The following ACAP2 variants were observed in gnomAD, a reference collection of about 807,000 sequenced individuals.
ACAP2 encodes arf-GAP with coiled-coil, ANK repeat and PH domain-containing protein 2.
ACAP2 carries 39 observed loss-of-function variants against 115.8 expected under a neutral mutation model. That is an observed-to-expected ratio of 0.34 (90% CI 0.26 to 0.44). The LOEUF is 0.44. ACAP2 is among the 20% of genes least tolerant of loss of function. ACAP2 has a pLI of 1.00. For synonymous variants in ACAP2, 289 were observed against 315.8 expected (o/e 0.92, Z 0.90); for missense variants, 662 against 927.6 (o/e 0.71, Z 3.72).
chr3:195,376,756 T>C (rs1020278604), intron 4 of ACAP2, among the ~76,000 whole-genome samples: 2 of 152,242 alleles, frequency 1.3e-5, no homozygotes, highest in African/African-American at 4.8e-5. Context: ...GGTTTTATTA[T>C]TTTCAAACAT....
chr3:195,345,465 TA>T, intron 4 of ACAP2, 148 bp from the exon 5 acceptor site: 1 of 564,238 alleles, frequency 1.8e-6, no homozygotes, highest in Non-Finnish European at 3.1e-6. Context: ...AATAACCATT[TA>T]AAAATAGAAC....
At chr3:195,327,000 G>T (rs751808475) in intron 8 of ACAP2, 41 bp from the exon 9 acceptor site, 1 of 1,528,276 alleles carries the variant, frequency 6.5e-7, no homozygotes, top group South Asian at 1.2e-5. Flanking sequence ...CTTAAAAAAA[G>T]TATGGATTAG....
rs1726183613 is a variant in ACAP2, at chr3:195,276,246, G to GT, written c.*3081dup. 1 of 152,144 alleles carries GT rather than the reference G, an allele frequency of 6.6e-6. No individual in the cohort carries two copies. The highest frequency in any genetic ancestry group is 2.1e-4 in the South Asian group (1 of 4,824). 9.4% of individuals were successfully genotyped at this position (152,144 alleles called of 1,614,324 possible). On this transcript the variant is annotated 3_prime_UTR_variant, in exon 23 of 23. Coordinates refer to ENST00000326793, the MANE Select transcript of ACAP2 (RefSeq NM_012287.6). ...AAAGTTCATATTCCAAATTAAATCT[G>GT]TATGTCTGGAAAAGTAACCAATCAA...
Position 195,295,802 on chromosome 3 carries a change from T to C in ACAP2, c.1578A>G (p.Gln526=), listed in dbSNP as rs151313709. 4.3e-6 allele frequency: 7 copies of C among 1,614,004 alleles called. No individual in the cohort carries two copies. The African/African-American group carries it at 8.0e-5, about 18-fold the overall frequency. The change falls in exon 17 of 23, where the codon CAA becomes CAG. Residue 526 remains glutamine (Q), a synonymous_variant. Transcript: ENST00000326793. ...YSISLSPPEQ[Q]KKFVSKSSEE... ...CAGAACTTTTAGAGACAAACTTTTT[T>C]TGCTGCTCAGGAGGTGATAATGATA...
intron 8 of ACAP2, among the ~76,000 whole-genome samples, chr3:195,331,469 C>A (rs1451530692): frequency 6.6e-6 from 1 of 151,792 alleles, no homozygotes; most frequent in Admixed American, 6.6e-5. Flanking sequence ...TATGCCACCA[C>A]GCCTGGATAA....
chr3:195,333,090 A>G lies in ACAP2; in HGVS notation c.607T>C (p.Phe203Leu), dbSNP rs1293604831. 1 of 1,609,932 alleles carries G rather than the reference A, an allele frequency of 6.2e-7. No individual in the cohort carries two copies. Among genetic ancestry groups the G allele is most frequent in the Non-Finnish European group, 8.5e-7 (1 of 1,178,280 alleles). The stretch of plus-strand genomic sequence containing the variant: ...CTAAACAGATCATATCCTTGATGAA[A>G]GAAGGCCAAATGGGCATACATAAAT... ...LSFMYAHLAF[F>L]HQGYDLFSEL... Residue 203 changes from phenylalanine (F) to leucine (L), a missense_variant, in exon 8 of 23, where the codon TTT (phenylalanine) becomes CTT (leucine). By Grantham distance (22) the Phe-to-Leu change is conservative (BLOSUM62 0). Transcript: ENST00000326793.
At chr3:195,344,589 C>T (rs974247695) in intron 5 of ACAP2, among the ~76,000 whole-genome samples, 9 of 151,838 alleles carry the variant, frequency 5.9e-5, no homozygotes, top group Non-Finnish European at 1.2e-4. Context: ...GGCGCGATCT[C>T]AGCTCACTGC....
At chr3:195,320,887 A>G in intron 9 of ACAP2, 74 bp from the exon 10 acceptor site, 2 of 921,278 alleles carry the variant, frequency 2.2e-6, no homozygotes, top group South Asian at 1.5e-5. Context: ...ATCCTAAGAA[A>G]AGAGTTCAAA....
intron 1 of ACAP2, among the ~76,000 whole-genome samples, chr3:195,427,531 T>C (rs1401930335): frequency 6.6e-6 from 1 of 152,218 alleles, no homozygotes; most frequent in African/African-American, 2.4e-5. Context: ...GTATAGCCTA[T>C]ATGGTTCCTA....
In ACAP2 at chr3:195,311,102, T is replaced by G. The variant is rs1297242409; in HGVS notation, c.858-2265A>C. 2.6e-3 allele frequency among the ~76,000 whole-genome samples: 122 copies of G among 47,000 alleles called. No individual in the cohort carries two copies. In the Middle Eastern group the frequency reaches 0.086, roughly 33 times the overall value. 30.8% of individuals were successfully genotyped at this position (47,000 alleles called of 152,430 possible). A position where few individuals can be genotyped will look rare whatever the true frequency, so the allele number is the denominator to read the frequency against. ...CATTGTGGTTTTTTTGTTTTTTTTTTGTTTTTTTTTTTGAAGCAGAGTCTC... is the reference window on the plus strand; with the variant it reads ...CATTGTGGTTTTTTTGTTTTTTTTTGGTTTTTTTTTTTGAAGCAGAGTCTC... On this transcript the variant is annotated intron_variant, in intron 10 of 22. Coordinates refer to ENST00000326793, the MANE Select transcript of ACAP2 (RefSeq NM_012287.6).
At chr3:195,326,742 C>T (rs1729822151) in intron 9 of ACAP2, 143 bp downstream of exon 9, 1 of 650,750 alleles carries the variant, frequency 1.5e-6, no homozygotes, top group Non-Finnish European at 2.5e-6. Flanking sequence ...ACATTTTGCT[C>T]TTCAAAAACA....
At chr3:195,291,145 A>G (rs1224822329) in intron 20 of ACAP2, among the ~76,000 whole-genome samples, 2 of 152,234 alleles carry the variant, frequency 1.3e-5, no homozygotes, top group African/African-American at 4.8e-5. Context: ...TTTCACATAA[A>G]GCCAGCATTT....
intron 22 of ACAP2, among the ~76,000 whole-genome samples, chr3:195,283,856 G>A (rs928289453): frequency 6.6e-6 from 1 of 152,064 alleles, no homozygotes; most frequent in Admixed American, 6.5e-5. Context: ...TAAAATGTGA[G>A]AATGGTAAGA....
chr3:195,423,089 A>G (rs763146220), intron 1 of ACAP2, among the ~76,000 whole-genome samples: 5 of 152,244 alleles, frequency 3.3e-5, no homozygotes, highest in Non-Finnish European at 7.3e-5. Flanking sequence ...TTTTAGTGTT[A>G]TAAATGTGGT....
chr3:195,417,587 C>G (rs765172274), intron 1 of ACAP2, among the ~76,000 whole-genome samples: 3 of 152,050 alleles, frequency 2.0e-5, no homozygotes, highest in African/African-American at 7.3e-5. Flanking sequence ...CTCTCTTGCC[C>G]CAATGAAGTT....
At chr3:195,421,400 A>C (rs1316101317) in intron 1 of ACAP2, among the ~76,000 whole-genome samples, 3 of 150,196 alleles carry the variant, frequency 2.0e-5, no homozygotes, top group Admixed American at 6.6e-5. Flanking sequence ...TCTTGACACA[A>C]AGTCATCCGT....
At chr3:195,295,681 T>A (rs556100795) in intron 17 of ACAP2, 27 bp downstream of exon 17, 2 of 1,613,184 alleles carry the variant, frequency 1.2e-6, no homozygotes, top group East Asian at 4.5e-5. Context: ...AAAATAGCTA[T>A]AGACACAGTA....
chr3:195,432,006 T>C (rs1715166147), intron 1 of ACAP2, among the ~76,000 whole-genome samples: 1 of 152,248 alleles, frequency 6.6e-6, no homozygotes, highest in African/African-American at 2.4e-5. Flanking sequence ...GGGTATGTTC[T>C]TTGAAGAAAT....
At chr3:195,299,763 A>G (rs1373490889) in intron 15 of ACAP2, among the ~76,000 whole-genome samples, 2 of 152,084 alleles carry the variant, frequency 1.3e-5, no homozygotes, top group Non-Finnish European at 2.9e-5. Context: ...GTGTGAACCC[A>G]GGAGGTGGAG....
Sources: allele counts gnomAD v4.1 joint callset (sites outside exome capture counted in the v4.1 genomes callset), GRCh38; gene constraint gnomAD v4.1.1; transcripts MANE v1.5; gene names NCBI Gene and HGNC (gene_info 2026-07-23, HGNC 2026-07-21).